The following CNGB3 variants were observed in gnomAD, a reference collection of about 807,000 sequenced individuals.
CNGB3 encodes cyclic nucleotide-gated channel beta-3.
A neutral mutation model predicts 92.8 loss-of-function variants in CNGB3; 86 were observed. The ratio of observed to expected loss-of-function variants is 0.93; its 90% CI spans 0.78 to 1.11. The LOEUF (loss-of-function observed/expected upper bound fraction) is 1.11, where lower values mean the gene tolerates loss of function less well. Among genes scored for constraint, CNGB3 ranks in the 50% least tolerant of loss-of-function variants. The probability of loss-of-function intolerance (pLI) is 0.00; values close to 1 mark genes in which losing one functional copy is unlikely to be tolerated. For synonymous variants in CNGB3, 333 were observed against 332.7 expected, an observed-to-expected ratio of 1.00 and a Z score of -0.01; for missense variants, 1,026 against 956.8, an observed-to-expected ratio of 1.07 and a Z score of -0.95.
chr8:86,594,299 G>T, intron 15 of CNGB3: 1 of 292,692 alleles, frequency 3.4e-6, no homozygotes, highest in South Asian at 3.3e-5. Flanking sequence ...GGCTTGGAAG[G>T]AGTGGGAGAA....
At chr8:86,714,477 A>T (rs533009573) in intron 3 of CNGB3, among the ~76,000 whole-genome samples, 37 of 152,328 alleles carry the variant, frequency 2.4e-4, no homozygotes, top group African/African-American at 8.9e-4. Flanking sequence ...TATGTTAGCA[A>T]TAATGATTAA....
intron 2 of CNGB3, among the ~76,000 whole-genome samples, chr8:86,738,606 A>G (rs948150393): frequency 1.5e-4 from 23 of 152,212 alleles, no homozygotes; most frequent in Admixed American, 1.5e-3. Flanking sequence ...TTGGGAGGCC[A>G]AGGCGGGAGG....
chr8:86,661,937 A>G (rs1823648700), intron 6 of CNGB3: 4 of 688,032 alleles, frequency 5.8e-6, no homozygotes, highest in Non-Finnish European at 1.1e-5. Flanking sequence ...TCTAGGCACG[A>G]GAAGAGGCTC....
intron 13 of CNGB3, among the ~76,000 whole-genome samples, chr8:86,614,762 C>T (rs1822584576): frequency 6.6e-6 from 1 of 152,124 alleles, no homozygotes; most frequent in South Asian, 2.1e-4. Flanking sequence ...GGTCGACCAC[C>T]TAGGCATGAG....
At chr8:86,716,573 C>T (rs966937486) in intron 3 of CNGB3, among the ~76,000 whole-genome samples, 3 of 152,108 alleles carry the variant, frequency 2.0e-5, no homozygotes, top group African/African-American at 7.2e-5. Flanking sequence ...TTTTAGCCTC[C>T]TTAAACAAAA....
chr8:86,694,786 G>T (rs1165790801), intron 3 of CNGB3, among the ~76,000 whole-genome samples: 1 of 151,854 alleles, frequency 6.6e-6, no homozygotes, highest in African/African-American at 2.4e-5. Context: ...TGGGATGGTG[G>T]CTGGGCAGAG....
Position 86,709,276 on chromosome 8 carries a change from C to T in CNGB3, c.338+17255G>A, listed in dbSNP as rs894100501. 6.6e-5 allele frequency among the ~76,000 whole-genome samples: 10 copies of T among 152,136 alleles called. No homozygotes were observed. The East Asian group carries it at 1.2e-3, about 18-fold the overall frequency. On this transcript the variant is annotated intron_variant, in intron 3 of 17. Coordinates refer to ENST00000320005, the MANE Select transcript of CNGB3 (RefSeq NM_019098.5). ...CCACACAGACACATGTTACATTTGC[C>T]GGTGGAAGCATGTGGATTTTTTCCT... is the stretch of plus-strand genomic sequence containing the variant.
In CNGB3 at chr8:86,665,478, C is replaced by T. The variant is rs146523611; in HGVS notation, c.852+1447G>A. Among the ~76,000 whole-genome samples the T allele has an allele frequency of 2.9e-3, 448 of 152,262 alleles. 2 individuals are homozygous for T. Among genetic ancestry groups the T allele is most frequent in the African/African-American group, 0.01 (428 of 41,548 alleles). On this transcript the variant is annotated intron_variant, in intron 6 of 17. Transcript: ENST00000320005. The stretch of plus-strand genomic sequence containing the variant: ...AAGACACATGCACCTGCATGTTCAT[C>T]GCAGCATTATTCACAATAGCAAAGA...
At position 86,739,741 on chromosome 8, in the gene CNGB3, G is replaced by A. The variant is rs1224280016; in HGVS notation, c.130-5C>T. 1.2e-6 allele frequency: 2 copies of A among 1,601,764 alleles called. No individual in the cohort carries two copies. The highest frequency in any genetic ancestry group is 2.3e-5 in the East Asian group (1 of 44,208). ...CTCTTCACCTTTGTTTTCTTCCTTT[G>A]AGAAAAAACATAGAGATTGTATGTG... On this transcript the variant is annotated splice_region_variant and splice_polypyrimidine_tract_variant and intron_variant, in intron 1 of 17. Coordinates refer to ENST00000320005, the MANE Select transcript of CNGB3 (RefSeq NM_019098.5).
At chr8:86,583,083 G>A (rs1489795804) in intron 15 of CNGB3, among the ~76,000 whole-genome samples, 1 of 97,216 alleles carries the variant, frequency 1.0e-5, no homozygotes, top group Non-Finnish European at 2.2e-5. Context: ...TGTATTTTTA[G>A]TAGAGAGGGG....
rs1238036084 is a variant in CNGB3 at position 86,673,965 on chromosome 8, T to G, written c.339-2867A>C. 2.0e-5 allele frequency among the ~76,000 whole-genome samples: 3 copies of G among 152,216 alleles called. No homozygotes were observed. In the East Asian group the frequency reaches 5.8e-4, roughly 29 times the overall value. On this transcript the variant is annotated intron_variant, in intron 3 of 17. Coordinates refer to ENST00000320005, the MANE Select transcript of CNGB3 (RefSeq NM_019098.5). ...TTATGTGTATAACACCATCATAGACTGTAAGATTCTCAAAGCAAGGAACTG... is the reference window on the plus strand; with the variant it reads ...TTATGTGTATAACACCATCATAGACGGTAAGATTCTCAAAGCAAGGAACTG...
chr8:86,599,917 C>T (rs1290222097), intron 15 of CNGB3, among the ~76,000 whole-genome samples: 1 of 152,092 alleles, frequency 6.6e-6, no homozygotes, highest in Non-Finnish European at 1.5e-5. Flanking sequence ...TGACCCACAC[C>T]CTGTTCATAC....
chr8:86,699,106 C>T (rs758831932), intron 3 of CNGB3, among the ~76,000 whole-genome samples: 1 of 152,124 alleles, frequency 6.6e-6, no homozygotes, highest in Non-Finnish European at 1.5e-5. Context: ...CATTAGAGTA[C>T]ACCTTTATAT....
intron 3 of CNGB3, among the ~76,000 whole-genome samples, chr8:86,701,479 T>G (rs992147749): frequency 2.0e-5 from 3 of 152,168 alleles, no homozygotes. Context: ...CTAATTCAAT[T>G]GCACTTAAAC....
intron 3 of CNGB3, among the ~76,000 whole-genome samples, chr8:86,685,424 C>A (rs968006387): frequency 1.3e-5 from 2 of 152,016 alleles, no homozygotes; most frequent in African/African-American, 4.8e-5. Flanking sequence ...TGCACGTCGA[C>A]GTTTGAGAAA....
chr8:86,659,878 G>T (rs1823599123), intron 6 of CNGB3: 2 of 425,042 alleles, frequency 4.7e-6, no homozygotes, highest in Non-Finnish European at 4.7e-6. Context: ...GATGATGCAG[G>T]GCCCTCCCCA....
intron 6 of CNGB3, among the ~76,000 whole-genome samples, chr8:86,662,962 G>C (rs1032372460): frequency 4.6e-5 from 7 of 152,168 alleles, no homozygotes; most frequent in Non-Finnish European, 1.0e-4. Context: ...CAATAAAAGG[G>C]TAAGTTTAGT....
intron 15 of CNGB3, chr8:86,593,725 G>A (rs1427427378): frequency 7.6e-6 from 7 of 925,274 alleles, no homozygotes; most frequent in African/African-American, 1.7e-5. Flanking sequence ...TCGTCCAGCA[G>A]TGGTGGGGGT....
chr8:86,593,243 A>G (rs1822086332), intron 15 of CNGB3, among the ~76,000 whole-genome samples: 1 of 152,236 alleles, frequency 6.6e-6, no homozygotes, highest in Non-Finnish European at 1.5e-5. Flanking sequence ...GAATCTGGGT[A>G]TAACTTCTAA....
Sources: gnomAD v4.1 joint callset for allele counts (sites outside exome capture counted in the v4.1 genomes callset) on GRCh38, gnomAD v4.1.1 for gene constraint, MANE v1.5 for transcripts, NCBI Gene and HGNC (gene_info 2026-07-23, HGNC 2026-07-21) for gene names.